C11orf65: variants seen among roughly 807,000 people sequenced by gnomAD.
C11orf65 encodes protein MFI.
A neutral mutation model predicts 35.3 loss-of-function variants in C11orf65; 38 were observed. The ratio of observed to expected loss-of-function variants is 1.08; its 90% CI spans 0.83 to 1.41. The LOEUF is 1.41. C11orf65 is among the 40% of genes most tolerant of loss of function. The probability of loss-of-function intolerance (pLI) is 0.00; values close to 1 mark genes in which losing one functional copy is unlikely to be tolerated. For missense variants in C11orf65, 370 were observed against 367.1 expected (o/e 1.01, Z -0.06); for synonymous variants, 105 against 114.4 (o/e 0.92, Z 0.53).
At chr11:108,416,264 A>C (rs1373686085) in intron 3 of C11orf65, among the ~76,000 whole-genome samples, 1 of 152,218 alleles carries the variant, frequency 6.6e-6, no homozygotes, top group Non-Finnish European at 1.5e-5. Flanking sequence ...GAAAACAAAC[A>C]ACCTGAATTA....
At chr11:108,404,508 C>T (rs986321473) in intron 6 of C11orf65, among the ~76,000 whole-genome samples, 3 of 152,058 alleles carry the variant, frequency 2.0e-5, no homozygotes, top group Non-Finnish European at 4.4e-5. Context: ...CCTGGGTTCA[C>T]GCCATTCTCC....
rs1366172645 is a variant in C11orf65 at position 108,332,945 on chromosome 11, C to G, written c.300-1378G>C. 1.9e-6 allele frequency: 3 copies of G among 1,587,794 alleles called. No individual in the cohort carries two copies. The East Asian group carries it at 6.7e-5, about 36-fold the overall frequency. ...GAAACGTTACTTTCTTGCTGTGTTACTCTCTGTAGAGATATATTAGTTATA... is the reference window on the plus strand; with the variant it reads ...GAAACGTTACTTTCTTGCTGTGTTAGTCTCTGTAGAGATATATTAGTTATA... On this transcript the variant is annotated intron_variant, in intron 3 of 3. Coordinates refer to the C11orf65 transcript ENST00000524755.
At chr11:108,422,913 C>T (rs1189654030) in intron 3 of C11orf65, among the ~76,000 whole-genome samples, 1 of 151,200 alleles carries the variant, frequency 6.6e-6, no homozygotes, top group African/African-American at 2.4e-5. Context: ...CTGTACCTCA[C>T]ACCATACACA....
Position 108,331,455 on chromosome 11 carries a change from G to C in C11orf65, c.*95C>G, listed in dbSNP as rs1060501579. 3 of 1,612,872 alleles carry C rather than the reference G, an allele frequency of 1.9e-6. No individual in the cohort carries two copies. The African/African-American group carries it at 4.0e-5, about 22-fold the overall frequency. Reference sequence around the variant, plus strand: ...TTTTTTAATGGTAGAGAGACGGAATGAAGATTCCAACATATAAATTTTTGC... The same window carrying C: ...TTTTTTAATGGTAGAGAGACGGAATCAAGATTCCAACATATAAATTTTTGC... On this transcript the variant is annotated 3_prime_UTR_variant, in exon 4 of 4. Transcript: ENST00000524755.
chr11:108,319,947 CT>C (rs1339802549), intron 6 of C11orf65: 1 of 1,593,556 alleles, frequency 6.3e-7, no homozygotes, highest in South Asian at 1.1e-5. Flanking sequence ...TTTGACTTAT[CT>C]CACAGCAAAG....
intron 3 of C11orf65, among the ~76,000 whole-genome samples, chr11:108,417,400 C>A (rs1417316495): frequency 1.3e-5 from 2 of 151,848 alleles, no homozygotes; most frequent in East Asian, 3.9e-4. Flanking sequence ...AAAAATTAGC[C>A]GGGCGTGGTG....
intron 7 of C11orf65, among the ~76,000 whole-genome samples, chr11:108,391,991 C>A (rs1325802015): frequency 2.0e-5 from 3 of 152,004 alleles, no homozygotes; most frequent in African/African-American, 7.3e-5. Flanking sequence ...TAGGCTCAAG[C>A]AATCCTCCCA....
intron 2 of C11orf65, chr11:108,343,278 C>G: frequency 1.2e-6 from 2 of 1,613,994 alleles, no homozygotes; most frequent in Non-Finnish European, 1.7e-6. Context: ...GAACTGTCCC[C>G]ATTGGTGAAT....
chr11:108,433,284 G>C (rs1565689524), intron 2 of C11orf65, among the ~76,000 whole-genome samples: 1 of 148,712 alleles, frequency 6.7e-6, no homozygotes, highest in Non-Finnish European at 1.5e-5. Context: ...GATATATATA[G>C]ATATATATAT....
At chr11:108,387,154 T>C (rs1412862720) in intron 7 of C11orf65, among the ~76,000 whole-genome samples, 1 of 130,632 alleles carries the variant, frequency 7.7e-6, no homozygotes, top group Non-Finnish European at 1.6e-5. Flanking sequence ...CTTTCTTTTT[T>C]TTTTTTTTTT....
chr11:108,314,580 T>TG (rs2084457482), intron 6 of C11orf65, among the ~76,000 whole-genome samples: 2 of 152,078 alleles, frequency 1.3e-5, no homozygotes, highest in Admixed American at 6.5e-5. Context: ...CAGTCTACTG[T>TG]GTTGCTGATC....
downstream of C11orf65, chr11:108,327,448 TA>T: frequency 1.9e-6 from 1 of 537,098 alleles, no homozygotes; most frequent in South Asian, 2.0e-5. Context: ...GCAATAATAA[TA>T]ATAAACAGAG....
chr11:108,457,749 AAAG>A (rs1488493569), intron 2 of C11orf65, among the ~76,000 whole-genome samples: 2 of 152,316 alleles, frequency 1.3e-5, no homozygotes, highest in African/African-American at 4.8e-5. Context: ...ATTACTTATT[AAAG>A]AAGTACTCAT....
In C11orf65 at chr11:108,321,259, CTCT is replaced by C. The variant is rs1316006415; in HGVS notation, c.641-12191_641-12189del. 1.9e-6 allele frequency: 3 copies of C among 1,611,746 alleles called. No homozygotes were observed. The Admixed American group carries it at 5.0e-5, about 27-fold the overall frequency. ...TTTAAACATTTATTTCCCTGAAAAC[CTCT>C]TCTTTATTTTCAGAGTGTCTTTTCT... On this transcript the variant is annotated intron_variant, in intron 6 of 6. Transcript: ENST00000525729.
chr11:108,435,697 G>C (rs1476731132), intron 2 of C11orf65, among the ~76,000 whole-genome samples: 1 of 152,104 alleles, frequency 6.6e-6, no homozygotes, highest in Non-Finnish European at 1.5e-5. Flanking sequence ...TGCAGAAACA[G>C]GTAGTATCTA....
chr11:108,321,804 T>C (rs1016076438), intron 6 of C11orf65, among the ~76,000 whole-genome samples: 1 of 151,804 alleles, frequency 6.6e-6, no homozygotes, highest in Non-Finnish European at 1.5e-5. Context: ...AAAAAAACTA[T>C]GTAGAGACCA....
At chr11:108,382,106 G>A (rs1326972666), downstream of C11orf65, among the ~76,000 whole-genome samples, 2 of 152,194 alleles carry the variant, frequency 1.3e-5, no homozygotes, top group African/African-American at 4.8e-5. Flanking sequence ...TCAGATGACT[G>A]CAGCCCTGGC....
At chr11:108,447,989 G>A (rs1284959449) in intron 2 of C11orf65, among the ~76,000 whole-genome samples, 1 of 152,172 alleles carries the variant, frequency 6.6e-6, no homozygotes, top group Non-Finnish European at 1.5e-5. Context: ...ACTACCATCA[G>A]AGAATACTAC....
exon 7 of C11orf65, chr11:108,308,768 C>T: frequency 2.2e-6 from 1 of 459,636 alleles, no homozygotes; most frequent in Non-Finnish European, 3.9e-6. Context: ...AAATTAATTC[C>T]TATGTAGTCT....
Sources: gnomAD v4.1 joint callset for allele counts (sites outside exome capture counted in the v4.1 genomes callset) on GRCh38, gnomAD v4.1.1 for gene constraint, MANE v1.5 for transcripts, NCBI Gene and HGNC (gene_info 2026-07-23, HGNC 2026-07-21) for gene names.